The following PANX1 variants were observed in gnomAD, a reference collection of about 807,000 sequenced individuals.
PANX1 encodes pannexin 1.
In PANX1, 30 loss-of-function variants were observed where a neutral mutation model predicts 38.7. That is an observed-to-expected ratio of 0.78 (90% CI 0.58 to 1.05). The LOEUF (loss-of-function observed/expected upper bound fraction) is 1.05, where lower values mean the gene tolerates loss of function less well. Among genes scored for constraint, PANX1 ranks in the 50% least tolerant of loss-of-function variants. The pLI is 0.00. For synonymous variants in PANX1, 230 were observed against 212.2 expected (o/e 1.08, Z -0.73); for missense variants, 551 against 517.2 (o/e 1.07, Z -0.63).
At chr11:94,140,453 T>C (rs1946748451) in intron 1 of PANX1, among the ~76,000 whole-genome samples, 2 of 152,374 alleles carry the variant, frequency 1.3e-5, no homozygotes, top group Admixed American at 1.3e-4. Flanking sequence ...TTTTTTGCAG[T>C]TTGCTCATTT....
intron 2 of PANX1, among the ~76,000 whole-genome samples, chr11:94,156,696 TA>T (rs902339812): frequency 6.6e-6 from 1 of 150,974 alleles, no homozygotes; most frequent in African/African-American, 2.5e-5. Flanking sequence ...CATCTTTTTT[TA>T]AAAAAAATTA....
intron 2 of PANX1, among the ~76,000 whole-genome samples, chr11:94,169,195 T>TGTA (rs1290568713): frequency 6.6e-6 from 1 of 151,456 alleles, no homozygotes; most frequent in Non-Finnish European, 1.5e-5. Flanking sequence ...GGTGATTATA[T>TGTA]GTAGACAGGG....
At chr11:94,144,550 A>C (rs768012437) in intron 1 of PANX1, among the ~76,000 whole-genome samples, 1 of 152,154 alleles carries the variant, frequency 6.6e-6, no homozygotes, top group South Asian at 2.1e-4. Flanking sequence ...CATTGACTGC[A>C]GGTGGCTAGT....
In PANX1 at chr11:94,180,123, G is replaced by A. The variant is rs769027469; in HGVS notation, c.1067G>A (p.Ser356Asn). 6 of 1,614,050 alleles carry A rather than the reference G, an allele frequency of 3.7e-6. No homozygotes were observed. The highest frequency in any genetic ancestry group is 5.1e-6 in the Non-Finnish European group (6 of 1,179,960). Reference protein sequence around the residue: ...KCLKVLENIKSSGQGIDPMLL... With the variant: ...KCLKVLENIKNSGQGIDPMLL... ...CTTAAGGTACTGGAGAATATTAAGA[G>A]CAGTGGTCAGGGGATCGACCCAATG... The change falls in exon 4 of 5, where the codon AGC becomes AAC. Residue 356 changes from serine to asparagine, a missense_variant. Transcript: ENST00000227638.
chr11:94,136,629 G>A (rs1256630193), intron 1 of PANX1, among the ~76,000 whole-genome samples: 1 of 151,938 alleles, frequency 6.6e-6, no homozygotes, highest in East Asian at 1.9e-4. Context: ...TTAGCCAGGT[G>A]TGGTGGCGGG....
At chr11:94,129,544 G>A (rs750542914) in intron 1 of PANX1, 51 bp downstream of exon 1, 1 of 1,524,098 alleles carries the variant, frequency 6.6e-7, no homozygotes, top group Non-Finnish European at 9.0e-7. Flanking sequence ...CTGGCCCGGT[G>A]AGCTGCGATT....
chr11:94,164,535 G>C (rs1947081485), intron 2 of PANX1, among the ~76,000 whole-genome samples: 1 of 152,118 alleles, frequency 6.6e-6, no homozygotes, highest in Non-Finnish European at 1.5e-5. Flanking sequence ...TTCTGACCTT[G>C]TGGTCAGAAA....
intron 1 of PANX1, among the ~76,000 whole-genome samples, chr11:94,137,268 T>A (rs1388793853): frequency 2.0e-5 from 3 of 151,854 alleles, no homozygotes; most frequent in Admixed American, 2.0e-4. Context: ...CATGCCACTG[T>A]ACTCCAGCCT....
At chr11:94,177,733 G>A (rs1234963872) in intron 2 of PANX1, among the ~76,000 whole-genome samples, 2 of 149,116 alleles carry the variant, frequency 1.3e-5, no homozygotes, top group East Asian at 3.9e-4. Flanking sequence ...CTTGCCCGTT[G>A]TGGATGGCCT....
At chr11:94,166,749 G>A (rs1456183431) in intron 2 of PANX1, among the ~76,000 whole-genome samples, 1 of 152,156 alleles carries the variant, frequency 6.6e-6, no homozygotes, top group Non-Finnish European at 1.5e-5. Context: ...TATCTAAGTT[G>A]CAAGACAGTA....
At chr11:94,154,901 A>C (rs1483212030) in intron 2 of PANX1, among the ~76,000 whole-genome samples, 1 of 152,214 alleles carries the variant, frequency 6.6e-6, no homozygotes, top group African/African-American at 2.4e-5. Context: ...AGGAAAAGAA[A>C]ATATATTTAC....
intron 2 of PANX1, among the ~76,000 whole-genome samples, chr11:94,159,111 G>C (rs1946989548): frequency 6.6e-6 from 1 of 152,168 alleles, no homozygotes; most frequent in East Asian, 1.9e-4. Context: ...ACTTGATCAT[G>C]GTGGATAAGC....
At chr11:94,140,849 G>T (rs139978942) in intron 1 of PANX1, among the ~76,000 whole-genome samples, 1 of 151,968 alleles carries the variant, frequency 6.6e-6, no homozygotes, top group East Asian at 1.9e-4. Context: ...ACATGTTCAG[G>T]TATAACATAT....
intron 1 of PANX1, among the ~76,000 whole-genome samples, chr11:94,134,155 G>T (rs1380446838): frequency 6.6e-6 from 1 of 152,222 alleles, no homozygotes; most frequent in Non-Finnish European, 1.5e-5. Flanking sequence ...AAGAATCTGT[G>T]TTCAGAGTGC....
chr11:94,164,791 T>G (rs902316005), intron 2 of PANX1, among the ~76,000 whole-genome samples: 1 of 152,214 alleles, frequency 6.6e-6, no homozygotes, highest in Non-Finnish European at 1.5e-5. Context: ...TTCCCGACTA[T>G]TATTATATTG....
intron 1 of PANX1, among the ~76,000 whole-genome samples, chr11:94,135,408 G>A (rs1317675685): frequency 6.6e-6 from 1 of 152,190 alleles, no homozygotes; most frequent in African/African-American, 2.4e-5. Context: ...TCAGCGGCTG[G>A]GTGGCTTAAG....
intron 1 of PANX1, among the ~76,000 whole-genome samples, chr11:94,134,593 A>G (rs948001853): frequency 6.6e-6 from 1 of 152,070 alleles, no homozygotes. Flanking sequence ...TGGGACCTTC[A>G]TGATGGGATG....
chr11:94,165,036 C>T (rs1412518601), intron 2 of PANX1, among the ~76,000 whole-genome samples: 2 of 152,136 alleles, frequency 1.3e-5, no homozygotes, highest in African/African-American at 2.4e-5. Flanking sequence ...ATATATTTTT[C>T]AGCCCTTCAT....
chr11:94,159,871 C>T (rs1448521298), intron 2 of PANX1, among the ~76,000 whole-genome samples: 2 of 151,374 alleles, frequency 1.3e-5, no homozygotes, highest in South Asian at 4.2e-4. Flanking sequence ...ATTTAGTGCT[C>T]TAAATTTCCC....
Sources: allele counts gnomAD v4.1 joint callset (sites outside exome capture counted in the v4.1 genomes callset), GRCh38; gene constraint gnomAD v4.1.1; transcripts MANE v1.5; gene names NCBI Gene and HGNC (gene_info 2026-07-23, HGNC 2026-07-21).